The following BCL7B variants were observed in gnomAD, a reference collection of about 807,000 sequenced individuals.
BCL7B encodes the protein B-cell CLL/lymphoma 7 protein family member B.
BCL7B carries 11 observed loss-of-function variants against 26.5 expected under a neutral mutation model. The observed-to-expected ratio is 0.42, with a 90% CI of 0.26 to 0.69. The LOEUF (loss-of-function observed/expected upper bound fraction) is 0.69, where lower values mean the gene tolerates loss of function less well. Ranked by LOEUF, BCL7B falls within the 30% of genes least tolerant of loss-of-function variation. The pLI, the probability that BCL7B is intolerant of heterozygous loss-of-function variation, is 0.28. For synonymous variants in BCL7B, 111 were observed against 107.9 expected (o/e 1.03, Z -0.18); for missense variants, 215 against 264.4 (o/e 0.81, Z 1.30).
At chr7:73,546,063 C>CA (rs1226045662) in intron 2 of BCL7B, among the ~76,000 whole-genome samples, 2 of 147,174 alleles carry the variant, frequency 1.4e-5, no homozygotes, top group Non-Finnish European at 3.0e-5. Context: ...ACCCAGGAGG[C>CA]AGAGCTTGCA....
At chr7:73,544,787 A>T (rs1238155036) in intron 2 of BCL7B, among the ~76,000 whole-genome samples, 3 of 152,046 alleles carry the variant, frequency 2.0e-5, no homozygotes, top group Non-Finnish European at 4.4e-5. Context: ...GGCCAGGCAC[A>T]GTGGCTCATG....
intron 2 of BCL7B, among the ~76,000 whole-genome samples, chr7:73,547,084 G>A (rs970361403): frequency 2.7e-4 from 41 of 152,184 alleles, no homozygotes; most frequent in African/African-American, 9.2e-4. Context: ...CCTGGTAGGT[G>A]GAGGTTGCGG....
chr7:73,543,707 G>A (rs1295394083), intron 2 of BCL7B, 63 bp from the exon 3 acceptor site: 3 of 1,364,498 alleles, frequency 2.2e-6, no homozygotes, highest in African/African-American at 1.4e-5. Context: ...AGAGGGAGGA[G>A]GGTGCTATGT....
intron 2 of BCL7B, among the ~76,000 whole-genome samples, chr7:73,547,554 T>C (rs1792000959): frequency 1.3e-5 from 2 of 152,136 alleles, no homozygotes; most frequent in Non-Finnish European, 2.9e-5. Context: ...GGAAGCCAAG[T>C]AGATCACCTA....
intron 2 of BCL7B, among the ~76,000 whole-genome samples, chr7:73,550,923 C>T (rs1339705921): frequency 1.3e-5 from 2 of 152,172 alleles, no homozygotes; most frequent in Non-Finnish European, 2.9e-5. Context: ...TCCCAAAGTG[C>T]TGGGATTACA....
intron 1 of BCL7B, among the ~76,000 whole-genome samples, chr7:73,554,009 C>T (rs975530321): frequency 2.7e-5 from 4 of 150,870 alleles, no homozygotes; most frequent in African/African-American, 9.8e-5. Context: ...TCTCCGTCAC[C>T]CAGGCTGGAG....
chr7:73,539,762 G>A, intron 4 of BCL7B, 120 bp downstream of exon 4: 6 of 1,171,286 alleles, frequency 5.1e-6, no homozygotes, highest in Middle Eastern at 2.9e-4. Context: ...ATCGAGAAAG[G>A]GCTTGGTGCT....
intron 2 of BCL7B, among the ~76,000 whole-genome samples, chr7:73,549,625 T>G (rs1052450574): frequency 1.3e-5 from 2 of 152,142 alleles, no homozygotes; most frequent in Admixed American, 6.6e-5. Flanking sequence ...TCAGCCTAGG[T>G]TGACATAGCA....
At chr7:73,557,165 G>C in intron 1 of BCL7B, 1 of 1,016,576 alleles carries the variant, frequency 9.8e-7, no homozygotes. Flanking sequence ...GAAGAGGGGA[G>C]GGCGGGCCCC....
chr7:73,556,899 T>C (rs973325146), intron 1 of BCL7B: 4 of 926,404 alleles, frequency 4.3e-6, no homozygotes, highest in Middle Eastern at 5.3e-4. Context: ...CAAAGGACTC[T>C]CCTGACAGCC....
At chr7:73,554,251 C>T (rs1015455315) in intron 1 of BCL7B, among the ~76,000 whole-genome samples, 5 of 151,442 alleles carry the variant, frequency 3.3e-5, no homozygotes, top group African/African-American at 4.8e-5. Context: ...GTGTGAGCCA[C>T]CGTGCCCAGC....
rs373913398 is a variant in BCL7B at position 73,537,281 on chromosome 7, G to A, written c.*17C>T. ...ATAAATAGAGGCAGGGCCAGGAGGC[G>A]GAGGGCCGGGATGGTGCTAGCTTTC... On this transcript the variant is annotated 3_prime_UTR_variant, in exon 6 of 6. Transcript: ENST00000223368. 34 of 1,613,026 alleles carry A rather than the reference G, an allele frequency of 2.1e-5. No individual in the cohort carries two copies. Among genetic ancestry groups the A allele is most frequent in the South Asian group, 1.2e-4 (11 of 91,050 alleles).
At chr7:73,549,707 G>T (rs1479646418) in intron 2 of BCL7B, among the ~76,000 whole-genome samples, 1 of 152,234 alleles carries the variant, frequency 6.6e-6, no homozygotes, top group African/African-American at 2.4e-5. Flanking sequence ...GCATATGCCT[G>T]TGGTCCCAGC....
At chr7:73,553,979 T>G (rs1373044625) in intron 1 of BCL7B, among the ~76,000 whole-genome samples, 1 of 151,264 alleles carries the variant, frequency 6.6e-6, no homozygotes, top group East Asian at 1.9e-4. Context: ...ACTTTTTTTT[T>G]TTTTTTTTTT....
intron 3 of BCL7B, chr7:73,542,813 G>C (rs1389947596): frequency 2.4e-6 from 1 of 419,716 alleles, no homozygotes; most frequent in African/African-American, 2.1e-5. Context: ...GCCAGGTGCA[G>C]TGGCTCATGC....
chr7:73,548,353 G>A (rs902163768), intron 2 of BCL7B, among the ~76,000 whole-genome samples: 5 of 151,702 alleles, frequency 3.3e-5, no homozygotes, highest in African/African-American at 9.7e-5. Context: ...GCTTGAACCC[G>A]GGAGGCAGAG....
intron 3 of BCL7B, among the ~76,000 whole-genome samples, chr7:73,541,341 A>G (rs56158101): frequency 2.0e-5 from 3 of 151,942 alleles, no homozygotes; most frequent in Non-Finnish European, 4.4e-5. Flanking sequence ...CAACAGCCAC[A>G]TACCTCACTG....
intron 1 of BCL7B, among the ~76,000 whole-genome samples, chr7:73,555,904 G>A (rs1435977069): frequency 1.3e-5 from 2 of 152,088 alleles, no homozygotes; most frequent in African/African-American, 4.8e-5. Flanking sequence ...AGGTCACTCC[G>A]CTACTCGGAA....
chr7:73,551,004 T>C (rs1387150550), intron 2 of BCL7B, among the ~76,000 whole-genome samples: 1 of 152,146 alleles, frequency 6.6e-6, no homozygotes, highest in Non-Finnish European at 1.5e-5. Flanking sequence ...TATGAAACAA[T>C]GCTATGTATT....
Sources: allele counts gnomAD v4.1 joint callset (sites outside exome capture counted in the v4.1 genomes callset), GRCh38; gene constraint gnomAD v4.1.1; transcripts MANE v1.5; gene names NCBI Gene and HGNC (gene_info 2026-07-23, HGNC 2026-07-21).